ZNF76: variants seen among roughly 807,000 people sequenced by gnomAD.
ZNF76 encodes zinc finger protein 76.
ZNF76 carries 66 observed loss-of-function variants against 66.9 expected under a neutral mutation model. The observed-to-expected ratio is 0.99, with a 90% CI of 0.81 to 1.21. ZNF76 has a LOEUF of 1.21. Ranked by LOEUF, ZNF76 falls within the 50% of genes most tolerant of loss-of-function variation. The pLI, the probability that ZNF76 is intolerant of heterozygous loss-of-function variation, is 0.00. For synonymous variants in ZNF76, 275 were observed against 296.1 expected, an observed-to-expected ratio of 0.93 and a Z score of 0.73; for missense variants, 729 against 760.3, an observed-to-expected ratio of 0.96 and a Z score of 0.48.
Position 35,293,893 on chromosome 6 carries a change from C to T in ZNF76, c.1472C>T (p.Ala491Val). The T allele has an allele frequency of 6.2e-7, 1 of 1,614,130 alleles. No homozygotes were observed. The highest frequency in any genetic ancestry group is 8.5e-7 in the Non-Finnish European group (1 of 1,180,010). Residue 491 changes from alanine (A) to valine (V), a missense_variant, in exon 12 of 14, where the codon GCC (alanine) becomes GTC (valine). Ala to Val is a moderately conservative substitution (Grantham distance 64, BLOSUM62 0). Transcript: ENST00000373953. ...SGTHTVTMVS[A>V]DGTQTQPVTI... ...ACACATACAGTCACCATGGTCAGCG[C>T]CGATGGCACCCAGACGCAGCCCGTA...
intron 1 of ZNF76, among the ~76,000 whole-genome samples, chr6:35,262,157 A>G (rs1383126931): frequency 6.6e-6 from 1 of 151,848 alleles, no homozygotes; most frequent in Non-Finnish European, 1.5e-5. Context: ...AAACTGGGAG[A>G]AACTTAGCAA....
At chr6:35,284,827 C>G (rs1287285074) in intron 2 of ZNF76, among the ~76,000 whole-genome samples, 1 of 152,206 alleles carries the variant, frequency 6.6e-6, no homozygotes, top group African/African-American at 2.4e-5. Context: ...CCTCCCACCT[C>G]AGCCTCCCGA....
At chr6:35,261,051 A>T (rs4713846) in intron 1 of ZNF76, among the ~76,000 whole-genome samples, 142,503 of 152,262 alleles carry the variant, frequency 0.94, 66,840 homozygotes, top group East Asian at 1. Flanking sequence ...TAGGTTCCAG[A>T]CTGATTCTGG....
intron 1 of ZNF76, among the ~76,000 whole-genome samples, chr6:35,280,615 T>G (rs1202420021): frequency 1.4e-5 from 2 of 143,138 alleles, no homozygotes; most frequent in Admixed American, 1.5e-4. Flanking sequence ...TGGGACACAT[T>G]GTGAGTTCTG....
chr6:35,291,804 T>C, intron 9 of ZNF76, 67 bp downstream of exon 9: 1 of 1,563,132 alleles, frequency 6.4e-7, no homozygotes, highest in Non-Finnish European at 8.7e-7. Flanking sequence ...AGGCTTCCCA[T>C]CTAAGACACA....
At chr6:35,284,924 T>C (rs561823978) in intron 2 of ZNF76, among the ~76,000 whole-genome samples, 51 of 152,164 alleles carry the variant, frequency 3.4e-4, no homozygotes, top group South Asian at 1.0e-3. Flanking sequence ...TAGCTCAGGC[T>C]GGTCTCAAAC....
chr6:35,280,642 C>T (rs192459127), intron 1 of ZNF76, among the ~76,000 whole-genome samples: 7 of 151,154 alleles, frequency 4.6e-5, no homozygotes, highest in Middle Eastern at 3.5e-3. Flanking sequence ...ACTTATTCCA[C>T]GTGTGGTACA....
intron 1 of ZNF76, among the ~76,000 whole-genome samples, chr6:35,266,553 G>C (rs1786112357): frequency 6.6e-6 from 1 of 152,148 alleles, no homozygotes; most frequent in South Asian, 2.1e-4. Context: ...TCAAAGTCGA[G>C]ATGTTGAGTA....
chr6:35,292,087 T>C lies in ZNF76; in HGVS notation c.931+350T>C. ...AGCAGAGTGAACTGTCACCTTCAACTCCTCACCTTATCCGCCGTCCATGAC... is the reference window on the plus strand; with the variant it reads ...AGCAGAGTGAACTGTCACCTTCAACCCCTCACCTTATCCGCCGTCCATGAC... On this transcript the variant is annotated intron_variant, in intron 9 of 13. Transcript: ENST00000373953. This position sits in a 1 kb window ranked among gnomAD's most constrained non-coding sequence, Gnocchi z 4.7. 1 of 438,010 alleles carries C rather than the reference T, an allele frequency of 2.3e-6. No individual in the cohort carries two copies. The highest frequency in any genetic ancestry group is 4.2e-6 in the Non-Finnish European group (1 of 235,452). The allele number at this position is 438,010 out of a possible 1,614,324, so 27.1% of individuals were successfully genotyped here. A position where few individuals can be genotyped will look rare whatever the true frequency, so the allele number is the denominator to read the frequency against.
intron 1 of ZNF76, among the ~76,000 whole-genome samples, chr6:35,266,064 G>C (rs1786006515): frequency 6.6e-6 from 1 of 152,128 alleles, no homozygotes; most frequent in Non-Finnish European, 1.5e-5. Flanking sequence ...GGTGAGAAGT[G>C]GTTGGCTTCT....
At chr6:35,267,922 C>T (rs1786402448) in intron 1 of ZNF76, among the ~76,000 whole-genome samples, 1 of 152,182 alleles carries the variant, frequency 6.6e-6, no homozygotes, top group South Asian at 2.1e-4. Context: ...CTCCTCCATT[C>T]TTTCGTTCAA....
intron 2 of ZNF76, 74 bp downstream of exon 2, chr6:35,281,298 T>C: frequency 6.9e-7 from 1 of 1,442,292 alleles, no homozygotes; most frequent in South Asian, 1.1e-5. Flanking sequence ...TTTCTAAGAG[T>C]CCCACCATCA....
At chr6:35,262,347 G>C (rs1785374623) in intron 1 of ZNF76, among the ~76,000 whole-genome samples, 2 of 152,214 alleles carry the variant, frequency 1.3e-5, no homozygotes, top group Admixed American at 1.3e-4. Context: ...GAGCCTCAGA[G>C]AAAGTGAGAG....
chr6:35,288,949 T>TAAAAA (rs34352057), intron 5 of ZNF76, among the ~76,000 whole-genome samples: 1 of 95,776 alleles, frequency 1.0e-5, no homozygotes. Context: ...AGATCCTATC[T>TAAAAA]AAAAAAAAAA....
intron 2 of ZNF76, among the ~76,000 whole-genome samples, chr6:35,283,245 A>C (rs1789044903): frequency 6.6e-6 from 1 of 152,142 alleles, no homozygotes; most frequent in Non-Finnish European, 1.5e-5. Flanking sequence ...TGCAGTGTGC[A>C]CTTACACACA....
intron 1 of ZNF76, chr6:35,279,241 G>T: frequency 6.0e-6 from 1 of 167,228 alleles, no homozygotes; most frequent in South Asian, 1.9e-4. Flanking sequence ...AAGATTGCTT[G>T]GGAATTTAGC....
At position 35,295,835 on chromosome 6, in the gene ZNF76, G is replaced by C. The variant is rs572648785; in HGVS notation, c.*587G>C. The C allele has an allele frequency of 1.8e-5, 3 of 169,232 alleles. No homozygotes were observed. Among genetic ancestry groups the C allele is most frequent in the Admixed American group, 1.1e-4 (2 of 18,154 alleles). 10.5% of individuals were successfully genotyped at this position (169,232 alleles called of 1,614,324 possible). A position where few individuals can be genotyped will look rare whatever the true frequency, so the allele number is the denominator to read the frequency against. ...GCTGCCCCCCAACCTCTCTATGGCA[G>C]AGAGGCAGGGAGTGGCCCTGTACAT... On this transcript the variant is annotated 3_prime_UTR_variant, in exon 14 of 14. Coordinates refer to ENST00000373953, the MANE Select transcript of ZNF76 (RefSeq NM_003427.5).
intron 13 of ZNF76, 124 bp from the exon 14 acceptor site, chr6:35,295,020 T>G (rs1426739346): frequency 1.5e-6 from 1 of 673,458 alleles, no homozygotes; most frequent in African/African-American, 1.8e-5. Flanking sequence ...TACTAAGTGC[T>G]CAGCGTGTGG....
At chr6:35,261,060 G>A (rs2150331020) in intron 1 of ZNF76, among the ~76,000 whole-genome samples, 1 of 152,266 alleles carries the variant, frequency 6.6e-6, no homozygotes, top group Non-Finnish European at 1.5e-5. Flanking sequence ...GACTGATTCT[G>A]GCCCTTCAGC....
Sources: gnomAD v4.1 joint callset for allele counts (sites outside exome capture counted in the v4.1 genomes callset) on GRCh38, gnomAD v4.1.1 for gene constraint, Gnocchi (gnomAD v3.1) non-coding constraint, MANE v1.5 for transcripts, NCBI Gene and HGNC (gene_info 2026-07-23, HGNC 2026-07-21) for gene names.